UHMK1: variants seen among roughly 807,000 people sequenced by gnomAD.
The protein encoded by UHMK1 is serine/threonine-protein kinase Kist.
Under a neutral mutation model 44.0 loss-of-function variants are expected in UHMK1, and 18 were observed. That is an observed-to-expected ratio of 0.41 (90% CI 0.28 to 0.61). UHMK1 has a LOEUF of 0.61. Among genes scored for constraint, UHMK1 ranks in the 20% least tolerant of loss-of-function variants. The probability of loss-of-function intolerance (pLI) is 0.31; values close to 1 mark genes in which losing one functional copy is unlikely to be tolerated. For synonymous variants in UHMK1, 231 were observed against 198.5 expected, an observed-to-expected ratio of 1.16 and a Z score of -1.38; for missense variants, 463 against 522.5, an observed-to-expected ratio of 0.89 and a Z score of 1.11.
In UHMK1 at chr1:162,527,394, T is replaced by C. The variant is rs189278516; in HGVS notation, c.*4844T>C. Reference sequence around the variant, plus strand: ...AGCAGTGGACTGTAAGAGAAATATCTATAAATCAGAGAGTATTTAGGAAAC... The same window carrying C: ...AGCAGTGGACTGTAAGAGAAATATCCATAAATCAGAGAGTATTTAGGAAAC... On this transcript the variant is annotated 3_prime_UTR_variant, in exon 8 of 8. Transcript: ENST00000489294. The C allele has an allele frequency of 2.0e-5, 3 of 152,248 alleles. No homozygotes were observed. The East Asian group carries it at 5.8e-4, about 29-fold the overall frequency. The allele number at this position is 152,248 out of a possible 1,614,324, so 9.4% of individuals were successfully genotyped here. A position where few individuals can be genotyped will look rare whatever the true frequency, so the allele number is the denominator to read the frequency against.
Position 162,503,728 on chromosome 1 carries a change from A to G in UHMK1, c.754-26A>G, listed in dbSNP as rs200830371. On this transcript the variant is annotated intron_variant, in intron 3 of 7. Transcript: ENST00000489294. Reference sequence around the variant, plus strand: ...CAATAAATACAGACTGAATAACCAAAGGAAAACTTTTCTCCGTTTTTTAAG... The same window carrying G: ...CAATAAATACAGACTGAATAACCAAGGGAAAACTTTTCTCCGTTTTTTAAG... The G allele has an allele frequency of 6.9e-6, 11 of 1,593,502 alleles. No homozygotes were observed. In the African/African-American group the frequency reaches 1.5e-4, roughly 21 times the overall value.
chr1:162,503,727 A>G (rs1381131317), intron 3 of UHMK1, 27 bp from the exon 4 acceptor site: 3 of 1,591,302 alleles, frequency 1.9e-6, no homozygotes, highest in African/African-American at 2.7e-5. Flanking sequence ...TGAATAACCA[A>G]AGGAAAACTT....
At chr1:162,513,062 C>T (rs762127087) in intron 6 of UHMK1, 2 of 384,584 alleles carry the variant, frequency 5.2e-6, no homozygotes, top group East Asian at 6.0e-5. Flanking sequence ...AAGCCTCAGC[C>T]CCCCAAGTAG....
Position 162,504,286 on chromosome 1 carries a change from TA to T in UHMK1, c.848+439del, listed in dbSNP as rs566524819. 7.9e-5 allele frequency among the ~76,000 whole-genome samples: 12 copies of T among 152,364 alleles called. No individual in the cohort carries two copies. In the South Asian group the frequency reaches 2.5e-3, roughly 32 times the overall value. On this transcript the variant is annotated intron_variant, in intron 4 of 7. Coordinates refer to ENST00000489294, the MANE Select transcript of UHMK1 (RefSeq NM_175866.5). ...CTGGGGACAGATACAGTTTTTCTGA[TA>T]TCTGAATAGATCCGAAAACAATAGA...
chr1:162,509,448 G>A (rs1159664188), intron 4 of UHMK1, among the ~76,000 whole-genome samples: 2 of 152,182 alleles, frequency 1.3e-5, no homozygotes, highest in African/African-American at 2.4e-5. Flanking sequence ...GTATTAGAAT[G>A]TATAACCCCT....
Position 162,498,093 on chromosome 1 carries a change from C to T in UHMK1, c.93C>T (p.Ser31=), listed in dbSNP as rs770962262. The T allele has an allele frequency of 1.2e-6, 2 of 1,611,596 alleles. No individual in the cohort carries two copies. Among genetic ancestry groups the T allele is most frequent in the South Asian group, 2.2e-5 (2 of 90,992 alleles). The change falls in exon 1 of 8, where the codon AGC becomes AGT. Residue 31 remains serine, a synonymous_variant. Coordinates refer to ENST00000489294, the MANE Select transcript of UHMK1 (RefSeq NM_175866.5). ...GGCAGGTACAGAGCCGTCTGGGTAG[C>T]GGCTCCTCCGCCTCGGTGTATCGGG... ...RLWQVQSRLG[S]GSSASVYRVR... is the part of the protein sequence containing the mutation.
chr1:162,499,462 A>C (rs796566003), intron 1 of UHMK1, among the ~76,000 whole-genome samples: 24 of 152,312 alleles, frequency 1.6e-4, no homozygotes, highest in African/African-American at 5.8e-4. Flanking sequence ...CCACCGTGGC[A>C]GACCTAGACT....
In UHMK1 at chr1:162,497,943, G is replaced by T; in HGVS notation, c.-58G>T. 1 of 1,433,996 alleles carries T rather than the reference G, an allele frequency of 7.0e-7. No homozygotes were observed. The highest frequency in any genetic ancestry group is 9.1e-7 in the Non-Finnish European group (1 of 1,095,138). 88.8% of individuals were successfully genotyped at this position (1,433,996 alleles called of 1,614,324 possible). A position where few individuals can be genotyped will look rare whatever the true frequency, so the allele number is the denominator to read the frequency against. The stretch of plus-strand genomic sequence containing the variant: ...CTGGCGGAGATGTGACCGCGGGCCC[G>T]GCCGGCCTGCCTCAGGCGTCGCGTC... On this transcript the variant is annotated 5_prime_UTR_variant, in exon 1 of 8. Transcript: ENST00000489294.
At position 162,510,863 on chromosome 1, in the gene UHMK1, T is replaced by A. The variant is rs189693017; in HGVS notation, c.849-1637T>A. The stretch of plus-strand genomic sequence containing the variant: ...ATTGCTGGTAGTTCTTTTTTAAAAA[T>A]TTTTTTTAAGGGGCCTCCATACTAC... On this transcript the variant is annotated intron_variant, in intron 4 of 7. Transcript: ENST00000489294. 1.1e-3 allele frequency among the ~76,000 whole-genome samples: 165 copies of A among 152,098 alleles called. 2 individuals are homozygous for A. The East Asian group carries it at 0.027, about 25-fold the overall frequency.
chr1:162,515,820 G>C (rs961556943), intron 6 of UHMK1, among the ~76,000 whole-genome samples: 2 of 151,696 alleles, frequency 1.3e-5, no homozygotes, highest in Non-Finnish European at 2.9e-5. Context: ...GGATCACGAG[G>C]TCAGGAGATC....
chr1:162,497,850 T>C lies in UHMK1; in HGVS notation c.-151T>C. The C allele has an allele frequency of 7.3e-7, 1 of 1,372,286 alleles. No homozygotes were observed. The highest frequency in any genetic ancestry group is 9.4e-7 in the Non-Finnish European group (1 of 1,068,162). 85.0% of individuals were successfully genotyped at this position (1,372,286 alleles called of 1,614,324 possible). ...GGGTGCACCACGGCTTCCGGTGTCA[T>C]GGCTGCTTGAAGTCCCGGGAGTCGG... On this transcript the variant is annotated 5_prime_UTR_variant, in exon 1 of 8. It removes an upstream start codon present in the reference 5' UTR. Coordinates refer to ENST00000489294, the MANE Select transcript of UHMK1 (RefSeq NM_175866.5).
chr1:162,500,151 C>G lies in UHMK1; in HGVS notation c.465C>G (p.Val155=). 6.2e-7 allele frequency: 1 copy of G among 1,614,172 alleles called. No individual in the cohort carries two copies. The highest frequency in any genetic ancestry group is 8.5e-7 in the Non-Finnish European group (1 of 1,180,038). ...CTTTTCTTCATCATGAGGGCTATGT[C>G]CATGCGGACCTCAAACCACGTAACA... ...ALAFLHHEGY[V]HADLKPRNIL... The change falls in exon 2 of 8, where the codon GTC becomes GTG. Residue 155 remains valine, a synonymous_variant. Coordinates refer to ENST00000489294, the MANE Select transcript of UHMK1 (RefSeq NM_175866.5).
intron 1 of UHMK1, among the ~76,000 whole-genome samples, chr1:162,498,563 G>A (rs772493696): frequency 5.9e-5 from 9 of 152,332 alleles, no homozygotes; most frequent in Admixed American, 1.3e-4. Context: ...CTAGTGAGAG[G>A]AGGCATGTCT....
chr1:162,523,361 T>C lies in UHMK1; in HGVS notation c.*811T>C, dbSNP rs182987532. On this transcript the variant is annotated 3_prime_UTR_variant, in exon 8 of 8. Transcript: ENST00000489294. ...TATACATTTTTTGAGAGGTAGTCTG[T>C]CTGATACAATGTAAATGACAAAACA... 1 of 152,774 alleles carries C rather than the reference T, an allele frequency of 6.5e-6. No homozygotes were observed. The highest frequency in any genetic ancestry group is 2.4e-5 in the African/African-American group (1 of 41,574). 9.5% of individuals were successfully genotyped at this position (152,774 alleles called of 1,614,324 possible). A position where few individuals can be genotyped will look rare whatever the true frequency, so the allele number is the denominator to read the frequency against.
At chr1:162,518,223 CAG>C (rs1294474931) in intron 7 of UHMK1, 33 bp downstream of exon 7, 6 of 1,463,514 alleles carry the variant, frequency 4.1e-6, no homozygotes, top group African/African-American at 2.8e-5. Context: ...GCAGATTACT[CAG>C]AGGTTATTAA....
chr1:162,520,901 T>C (rs1652030960), intron 7 of UHMK1, among the ~76,000 whole-genome samples: 2 of 152,196 alleles, frequency 1.3e-5, no homozygotes, highest in South Asian at 2.1e-4. Flanking sequence ...AGATACAGAA[T>C]AGAGAGACAG....
At chr1:162,518,997 A>T (rs1651945670) in intron 7 of UHMK1, among the ~76,000 whole-genome samples, 1 of 139,710 alleles carries the variant, frequency 7.2e-6, no homozygotes, top group Admixed American at 7.4e-5. Context: ...TCAAAAAAAA[A>T]AAAAACTACT....
chr1:162,523,344 T>G lies in UHMK1; in HGVS notation c.*794T>G, dbSNP rs1652127931. On this transcript the variant is annotated 3_prime_UTR_variant, in exon 8 of 8. Coordinates refer to ENST00000489294, the MANE Select transcript of UHMK1 (RefSeq NM_175866.5). The stretch of plus-strand genomic sequence containing the variant: ...ATCCGTAAGATTTAAGATATACATT[T>G]TTTGAGAGGTAGTCTGTCTGATACA... 1 of 152,606 alleles carries G rather than the reference T, an allele frequency of 6.6e-6. No individual in the cohort carries two copies. Among genetic ancestry groups the G allele is most frequent in the African/African-American group, 2.4e-5 (1 of 41,440 alleles). 9.5% of individuals were successfully genotyped at this position (152,606 alleles called of 1,614,324 possible). A position where few individuals can be genotyped will look rare whatever the true frequency, so the allele number is the denominator to read the frequency against.
chr1:162,511,116 GC>G (rs1651652337), intron 4 of UHMK1, among the ~76,000 whole-genome samples: 1 of 150,310 alleles, frequency 6.7e-6, no homozygotes, highest in African/African-American at 2.4e-5. Context: ...CAGGTCTTTT[GC>G]CCATTTTTTA....
Sources: allele counts gnomAD v4.1 joint callset (sites outside exome capture counted in the v4.1 genomes callset), GRCh38; gene constraint gnomAD v4.1.1; transcripts MANE v1.5; gene names NCBI Gene and HGNC (gene_info 2026-07-23, HGNC 2026-07-21).